Variants in SAMMSON observed in about 807,000 individuals in gnomAD.
SAMMSON encodes the protein survival associated mitochondrial melanoma specific oncogenic non-coding RNA.
chr3:70,346,466 C>G (rs1446067681), intron 7 of SAMMSON, among the ~76,000 whole-genome samples: 2 of 151,932 alleles, frequency 1.3e-5, no homozygotes, highest in Non-Finnish European at 2.9e-5. Context: ...TGGTTAAGGT[C>G]TGGGTTTAGG....
At position 70,372,532 on chromosome 3, in the gene SAMMSON, G is replaced by A. The variant is rs577585226; in HGVS notation, n.913+14208G>A. On this transcript the variant is annotated intron_variant and non_coding_transcript_variant, in intron 9 of 9. Coordinates refer to ENST00000642114, the Ensembl canonical transcript of SAMMSON. ...CCAGGCTGGTCTCAAACTCCTGACC[G>A]CAGATGATCCACCTGCCTTGGCCTC... 4.6e-5 allele frequency among the ~76,000 whole-genome samples: 7 copies of A among 151,918 alleles called. No individual in the cohort carries two copies. In the South Asian group the frequency reaches 8.3e-4, roughly 18 times the overall value.
chr3:70,324,587 T>A (rs1417440225), intron 7 of SAMMSON, among the ~76,000 whole-genome samples: 2 of 152,214 alleles, frequency 1.3e-5, no homozygotes, highest in Non-Finnish European at 2.9e-5. Context: ...CTTATTTGAC[T>A]ATTTCTAGGT....
chr3:70,416,874 A>AT (rs1161420591), intron 2 of SAMMSON, among the ~76,000 whole-genome samples: 5 of 152,110 alleles, frequency 3.3e-5, no homozygotes, highest in African/African-American at 4.8e-5. Flanking sequence ...GAGCTAATAG[A>AT]TTTTTTTCAC....
intron 4 of SAMMSON, among the ~76,000 whole-genome samples, chr3:70,241,078 C>G (rs187207736): frequency 6.6e-6 from 1 of 152,046 alleles, no homozygotes; most frequent in Non-Finnish European, 1.5e-5. Flanking sequence ...GATGTGACTG[C>G]GGTGACACTG....
At chr3:70,308,300 T>C (rs1182162925) in intron 7 of SAMMSON, among the ~76,000 whole-genome samples, 2 of 152,076 alleles carry the variant, frequency 1.3e-5, no homozygotes, top group African/African-American at 4.8e-5. Context: ...GTTCAAGGGA[T>C]CTTCCCATCT....
chr3:70,419,741 C>T (rs921326813), intron 2 of SAMMSON, among the ~76,000 whole-genome samples: 1 of 152,146 alleles, frequency 6.6e-6, no homozygotes, highest in African/African-American at 2.4e-5. Context: ...CGGGTTCACG[C>T]CATTCTCCTG....
At chr3:70,220,966 A>G (rs1182830391) in intron 4 of SAMMSON, among the ~76,000 whole-genome samples, 1 of 152,188 alleles carries the variant, frequency 6.6e-6, no homozygotes, top group East Asian at 1.9e-4. Flanking sequence ...GCATCAGCTT[A>G]CTAAGTGGTA....
At chr3:70,396,760 T>C (rs1186264708) in intron 2 of SAMMSON, among the ~76,000 whole-genome samples, 1 of 152,162 alleles carries the variant, frequency 6.6e-6, no homozygotes, top group African/African-American at 2.4e-5. Context: ...TCTTTTCCAG[T>C]TCCAAAACGC....
At chr3:70,425,971 C>T (rs1701363021) in intron 2 of SAMMSON, among the ~76,000 whole-genome samples, 1 of 152,234 alleles carries the variant, frequency 6.6e-6, no homozygotes, top group South Asian at 2.1e-4. Flanking sequence ...TGTCAGAAAC[C>T]TATGTCATTC....
At chr3:70,223,761 T>A (rs1701479824) in intron 4 of SAMMSON, among the ~76,000 whole-genome samples, 1 of 152,172 alleles carries the variant, frequency 6.6e-6, no homozygotes, top group South Asian at 2.1e-4. Flanking sequence ...TGCAATCAAT[T>A]TAATTCACAT....
At chr3:70,003,744 A>G (rs1418220516) in intron 1 of SAMMSON, among the ~76,000 whole-genome samples, 3 of 151,814 alleles carry the variant, frequency 2.0e-5, no homozygotes, top group Non-Finnish European at 4.4e-5. Flanking sequence ...CTCTTTTTGT[A>G]TGTCTGTTCT....
intron 4 of SAMMSON, among the ~76,000 whole-genome samples, chr3:70,134,604 A>G (rs2067498591): frequency 6.6e-6 from 1 of 152,208 alleles, no homozygotes; most frequent in Admixed American, 6.5e-5. Context: ...TTAAGACACA[A>G]CTAAGGTATT....
At chr3:70,247,311 C>T (rs1181030190) in intron 4 of SAMMSON, among the ~76,000 whole-genome samples, 1 of 151,904 alleles carries the variant, frequency 6.6e-6, no homozygotes, top group Non-Finnish European at 1.5e-5. Flanking sequence ...GGCTGTGTTT[C>T]TCTGGCAGTA....
chr3:70,295,243 A>T (rs1237669972), intron 7 of SAMMSON, among the ~76,000 whole-genome samples: 1 of 152,190 alleles, frequency 6.6e-6, no homozygotes, highest in Non-Finnish European at 1.5e-5. Context: ...ATGGGGAAGC[A>T]ACCAAAGTAG....
chr3:70,285,201 TC>T (rs1232967522), intron 6 of SAMMSON, among the ~76,000 whole-genome samples: 2 of 84,064 alleles, frequency 2.4e-5, no homozygotes, highest in African/African-American at 9.6e-5. Context: ...ATGCTATCCC[TC>T]CCCCCTCCCC....
chr3:70,330,242 T>G (rs1702611838), intron 7 of SAMMSON, among the ~76,000 whole-genome samples: 1 of 151,942 alleles, frequency 6.6e-6, no homozygotes. Context: ...TTCTCATTTT[T>G]AAAGTCATAT....
In SAMMSON at chr3:70,146,293, G is replaced by A. The variant is rs533380342; in HGVS notation, n.507+74728G>A. Among the ~76,000 whole-genome samples, 92 of 151,978 alleles carry A rather than the reference G, an allele frequency of 6.1e-4. 1 individual carries two copies. Among genetic ancestry groups the A allele is most frequent in the Admixed American group, 3.9e-4 (6 of 15,236 alleles). ...CTAATTATGCCCAATCTTGAGAAGC[G>A]GAGAAAATACCTCCCAACATGTTTT... On this transcript the variant is annotated intron_variant and non_coding_transcript_variant, in intron 4 of 9. Coordinates refer to ENST00000642114, the Ensembl canonical transcript of SAMMSON.
At position 70,336,814 on chromosome 3, in the gene SAMMSON, TTGTGTGTGTGTGTGTGTGTGTGTG is replaced by T. The variant is rs71126494; in HGVS notation, n.740-17340_740-17317del. Among the ~76,000 whole-genome samples, 7 of 126,666 alleles carry T rather than the reference TTGTGTGTGTGTGTGTGTGTGTGTG, an allele frequency of 5.5e-5. No individual in the cohort carries two copies. In the South Asian group the frequency reaches 1.6e-3, roughly 29 times the overall value. The allele number at this position is 126,666 out of a possible 152,430, so 83.1% of individuals were successfully genotyped here. A position where few individuals can be genotyped will look rare whatever the true frequency, so the allele number is the denominator to read the frequency against. On this transcript the variant is annotated intron_variant and non_coding_transcript_variant, in intron 7 of 9. Transcript: ENST00000642114. ...AGAAGAGTTAAACATAATAGAAAGT[TTGTGTGTGTGTGTGTGTGTGTGTG>T]TGTGTGTGTGTGTGTGTGTGGAGAG...
chr3:70,268,050 C>G (rs954951148), intron 6 of SAMMSON, among the ~76,000 whole-genome samples: 1 of 150,422 alleles, frequency 6.6e-6, no homozygotes, highest in Non-Finnish European at 1.5e-5. Context: ...TCCTCCTCCT[C>G]CTTCTTCTCC....
Sources: gnomAD v4.1 joint callset for allele counts (sites outside exome capture counted in the v4.1 genomes callset) on GRCh38, gnomAD v4.1.1 for gene constraint, MANE v1.5 for transcripts, NCBI Gene and HGNC (gene_info 2026-07-23, HGNC 2026-07-21) for gene names.